Variants in HDAC9 observed in about 807,000 individuals in gnomAD.
HDAC9 encodes the protein MEF-2 interacting transcription repressor (MITR) protein.
A neutral mutation model predicts 139.4 loss-of-function variants in HDAC9; 41 were observed. That is an observed-to-expected ratio of 0.29 (90% CI 0.23 to 0.38). The LOEUF (loss-of-function observed/expected upper bound fraction) is 0.38, where lower values mean the gene tolerates loss of function less well. Among genes scored for constraint, HDAC9 ranks in the 10% least tolerant of loss-of-function variants. HDAC9 has a pLI of 1.00. For missense variants in HDAC9, 1,147 were observed against 1,297.0 expected (o/e 0.88, Z 1.78); for synonymous variants, 517 against 476.2 (o/e 1.09, Z -1.12).
At chr7:18,476,144 T>C (rs1222091593) in intron 1 of HDAC9, among the ~76,000 whole-genome samples, 1 of 152,184 alleles carries the variant, frequency 6.6e-6, no homozygotes, top group African/African-American at 2.4e-5. Flanking sequence ...GATGCTATTA[T>C]ATTTAAATAG....
At chr7:18,146,568 C>G (rs17417592) in intron 1 of HDAC9, among the ~76,000 whole-genome samples, 3,988 of 152,184 alleles carry the variant, frequency 0.026, 70 homozygotes, top group Non-Finnish European at 0.034. Context: ...AGAAAGAGAC[C>G]TTGGTTTTTT....
intron 14 of HDAC9, among the ~76,000 whole-genome samples, chr7:18,753,517 A>G (rs1452627945): frequency 6.6e-6 from 1 of 152,116 alleles, no homozygotes; most frequent in Non-Finnish European, 1.5e-5. Context: ...GCTGACATAC[A>G]GAGAAGGGTC....
At chr7:18,146,394 T>G (rs754062419) in intron 1 of HDAC9, among the ~76,000 whole-genome samples, 10 of 152,162 alleles carry the variant, frequency 6.6e-5, no homozygotes, top group Non-Finnish European at 1.5e-4. Context: ...GACATAAATT[T>G]ATTTGGGCTC....
chr7:18,156,515 A>G (rs796116246), intron 1 of HDAC9, among the ~76,000 whole-genome samples: 1 of 152,200 alleles, frequency 6.6e-6, no homozygotes, highest in African/African-American at 2.4e-5. Flanking sequence ...TCAAAGTTGC[A>G]TAACTACAGA....
At chr7:18,494,875 C>T (rs1042275974), upstream of HDAC9, among the ~76,000 whole-genome samples, 27 of 151,964 alleles carry the variant, frequency 1.8e-4, no homozygotes, top group African/African-American at 6.3e-4. Context: ...CTTTCTTTTC[C>T]TTTTGCAAGT....
At chr7:18,130,506 T>C (rs1345762117) in intron 1 of HDAC9, among the ~76,000 whole-genome samples, 1 of 152,122 alleles carries the variant, frequency 6.6e-6, no homozygotes, top group Admixed American at 6.6e-5. Flanking sequence ...TGGTAACAGC[T>C]TTATTGAGAT....
rs190750300 is a variant in HDAC9 at position 18,999,385 on chromosome 7, C to T, written c.*3323C>T. 1 of 152,228 alleles carries T rather than the reference C, an allele frequency of 6.6e-6. No homozygotes were observed. Among genetic ancestry groups the T allele is most frequent in the African/African-American group, 2.4e-5 (1 of 41,530 alleles). 9.4% of individuals were successfully genotyped at this position (152,228 alleles called of 1,614,324 possible). A position where few individuals can be genotyped will look rare whatever the true frequency, so the allele number is the denominator to read the frequency against. ...GATTTACTGGGTTTCTTTACAGACT[C>T]CATATGGAAGTAAAATAGAATGATC... On this transcript the variant is annotated 3_prime_UTR_variant, in exon 26 of 26. Transcript: ENST00000686413.
intron 8 of HDAC9, among the ~76,000 whole-genome samples, chr7:18,640,691 A>G (rs543670690): frequency 9.5e-4 from 145 of 152,080 alleles, no homozygotes; most frequent in Non-Finnish European, 1.7e-3. Context: ...AAATGGCACA[A>G]TGTTATCTGC....
At chr7:18,478,076 C>A (rs1370190961) in intron 1 of HDAC9, among the ~76,000 whole-genome samples, 1 of 145,096 alleles carries the variant, frequency 6.9e-6, no homozygotes, top group Non-Finnish European at 1.5e-5. Context: ...ACAAAAAAAA[C>A]TTTTTTTTTT....
chr7:18,787,623 T>A (rs1791931779), intron 16 of HDAC9, among the ~76,000 whole-genome samples: 1 of 152,184 alleles, frequency 6.6e-6, no homozygotes, highest in Non-Finnish European at 1.5e-5. Context: ...AAGGTAGGAA[T>A]ATTTAGGGAT....
At position 18,425,611 on chromosome 7, in the gene HDAC9, C is replaced by A. The variant is rs575910504; in HGVS notation, c.-41-70651C>A. ...ATGGCTCCAGAGGAGGATCTTCCTT[C>A]GCCAGTTAATACTAAATTACCAGTG... On this transcript the variant is annotated intron_variant, in intron 1 of 3. Coordinates refer to the HDAC9 transcript ENST00000413509. 3.9e-5 allele frequency among the ~76,000 whole-genome samples: 6 copies of A among 152,276 alleles called. No individual in the cohort carries two copies. The East Asian group carries it at 1.2e-3, about 29-fold the overall frequency.
intron 1 of HDAC9, among the ~76,000 whole-genome samples, chr7:18,382,895 G>A (rs1785568016): frequency 6.6e-6 from 1 of 152,100 alleles, no homozygotes. Context: ...GAGTGTGTAT[G>A]TATATGTATA....
At chr7:18,399,058 G>A (rs1264014510) in intron 1 of HDAC9, among the ~76,000 whole-genome samples, 1 of 152,124 alleles carries the variant, frequency 6.6e-6, no homozygotes, top group Admixed American at 6.5e-5. Flanking sequence ...AGTTATTGCA[G>A]TTGGATTTCT....
At chr7:18,819,922 C>G (rs1449672111) in intron 17 of HDAC9, among the ~76,000 whole-genome samples, 1 of 151,940 alleles carries the variant, frequency 6.6e-6, no homozygotes, top group African/African-American at 2.4e-5. Context: ...GTCTTTGTAA[C>G]TTAAAATAAA....
At chr7:18,170,241 G>T (rs1788322441) in intron 2 of HDAC9, among the ~76,000 whole-genome samples, 1 of 152,094 alleles carries the variant, frequency 6.6e-6, no homozygotes. Context: ...TGTGTCTATT[G>T]GCTTCATAAA....
intron 2 of HDAC9, among the ~76,000 whole-genome samples, chr7:18,531,837 T>C (rs992256210): frequency 1.3e-5 from 2 of 152,050 alleles, no homozygotes; most frequent in Admixed American, 1.3e-4. Flanking sequence ...GTAAAGGAAA[T>C]GTTTAAAAAG....
intron 12 of HDAC9, among the ~76,000 whole-genome samples, chr7:18,690,072 C>T (rs1387806064): frequency 6.6e-6 from 1 of 151,944 alleles, no homozygotes; most frequent in Non-Finnish European, 1.5e-5. Context: ...GAATGAGGCA[C>T]AAAGTTTGTT....
intron 2 of HDAC9, among the ~76,000 whole-genome samples, chr7:18,281,137 G>A (rs1323175199): frequency 6.6e-6 from 1 of 152,178 alleles, no homozygotes; most frequent in Non-Finnish European, 1.5e-5. Flanking sequence ...GTGAGTCTGA[G>A]AAGACTTAGT....
chr7:18,386,452 C>A (rs914935062), intron 1 of HDAC9, among the ~76,000 whole-genome samples: 1 of 152,030 alleles, frequency 6.6e-6, no homozygotes, highest in African/African-American at 2.4e-5. Context: ...TTGCAATGGC[C>A]TCTCTAAGAC....
Sources: gnomAD v4.1 joint callset for allele counts (sites outside exome capture counted in the v4.1 genomes callset) on GRCh38, gnomAD v4.1.1 for gene constraint, MANE v1.5 for transcripts, NCBI Gene and HGNC (gene_info 2026-07-23, HGNC 2026-07-21) for gene names.